Variants in BMPER observed in about 807,000 individuals in gnomAD.
BMPER encodes the protein BMP-binding endothelial regulator protein.
Under a neutral mutation model 87.3 loss-of-function variants are expected in BMPER, and 45 were observed. That is an observed-to-expected ratio of 0.52 (90% CI 0.41 to 0.66). BMPER has a LOEUF of 0.66. BMPER is among the 30% of genes least tolerant of loss of function. BMPER has a pLI of 0.00. For synonymous variants in BMPER, 326 were observed against 316.2 expected (o/e 1.03, Z -0.33); for missense variants, 784 against 867.5 (o/e 0.90, Z 1.21).
At position 34,154,013 on chromosome 7, in the gene BMPER, G is replaced by A. The variant is rs1249779325; in HGVS notation, c.*740G>A. 3 of 152,624 alleles carry A rather than the reference G, an allele frequency of 2.0e-5. No individual in the cohort carries two copies. The highest frequency in any genetic ancestry group is 1.3e-4 in the Admixed American group (2 of 15,276). The allele number at this position is 152,624 out of a possible 1,614,324, so 9.5% of individuals were successfully genotyped here. Reference sequence around the variant, plus strand: ...ATGGATGTGACCATTTATATGTCATGTGTTGAAATTAAAGGGTGTCTGGAT... The same window carrying A: ...ATGGATGTGACCATTTATATGTCATATGTTGAAATTAAAGGGTGTCTGGAT... On this transcript the variant is annotated 3_prime_UTR_variant, in exon 15 of 15. Coordinates refer to ENST00000649409, the MANE Select transcript of BMPER (RefSeq NM_001365308.1).
intron 2 of BMPER, among the ~76,000 whole-genome samples, chr7:33,911,673 A>G (rs1252611909): frequency 6.6e-6 from 1 of 152,190 alleles, no homozygotes; most frequent in East Asian, 1.9e-4. Context: ...TGAGACAACT[A>G]CCTCACCTTT....
intron 6 of BMPER, among the ~76,000 whole-genome samples, chr7:34,003,632 A>G (rs948355774): frequency 3.3e-5 from 5 of 152,008 alleles, no homozygotes; most frequent in Non-Finnish European, 5.9e-5. Context: ...GAATTCTGTT[A>G]ATTTTTATTT....
intron 3 of BMPER, among the ~76,000 whole-genome samples, chr7:33,952,013 T>C (rs1335223695): frequency 6.6e-6 from 1 of 152,208 alleles, no homozygotes; most frequent in Non-Finnish European, 1.5e-5. Context: ...ACAGCTTAAG[T>C]GTATTTTCAT....
At chr7:33,968,838 G>C (rs1053428906) in intron 4 of BMPER, among the ~76,000 whole-genome samples, 3 of 152,158 alleles carry the variant, frequency 2.0e-5, no homozygotes, top group African/African-American at 7.2e-5. Context: ...ATTTCTTATG[G>C]GAAGAGGAAA....
At chr7:34,032,686 C>T (rs1370021771) in intron 6 of BMPER, among the ~76,000 whole-genome samples, 1 of 152,150 alleles carries the variant, frequency 6.6e-6, no homozygotes, top group Admixed American at 6.6e-5. Flanking sequence ...TTGTTTCAAA[C>T]ACTGCTCCTT....
At chr7:33,966,669 G>T in intron 4 of BMPER, 108 bp downstream of exon 4, 27 of 1,052,882 alleles carry the variant, frequency 2.6e-5, no homozygotes, top group Admixed American at 4.1e-5. Flanking sequence ...AAACAGAAAT[G>T]AAAAAAACAA....
chr7:33,991,791 C>T (rs1453163445), intron 6 of BMPER, among the ~76,000 whole-genome samples: 81 of 147,516 alleles, frequency 5.5e-4, no homozygotes, highest in Admixed American at 1.7e-3. Context: ...GCTTTGAATG[C>T]GTCCCAGAGA....
intron 2 of BMPER, among the ~76,000 whole-genome samples, chr7:33,918,257 T>C (rs532127899): frequency 6.6e-6 from 1 of 152,374 alleles, no homozygotes; most frequent in East Asian, 1.9e-4. Flanking sequence ...ACATTTTAAT[T>C]CTTCGCCATG....
intron 3 of BMPER, among the ~76,000 whole-genome samples, chr7:33,953,706 A>G (rs1433031615): frequency 2.6e-5 from 4 of 152,188 alleles, no homozygotes; most frequent in South Asian, 2.1e-4. Context: ...CATTAAGTAC[A>G]TTCACATTGT....
intron 8 of BMPER, among the ~76,000 whole-genome samples, chr7:34,053,221 T>C (rs1788192048): frequency 1.3e-5 from 2 of 152,114 alleles, no homozygotes; most frequent in South Asian, 4.1e-4. Context: ...TCCAAAAGGG[T>C]GTTTTACTAG....
intron 13 of BMPER, among the ~76,000 whole-genome samples, chr7:34,133,542 G>A (rs1790646032): frequency 6.6e-6 from 1 of 152,118 alleles, no homozygotes; most frequent in African/African-American, 2.4e-5. Context: ...GGCAACTTAA[G>A]TGTTTCCCTG....
At chr7:34,103,042 A>G (rs1372342231) in intron 13 of BMPER, among the ~76,000 whole-genome samples, 1 of 152,154 alleles carries the variant, frequency 6.6e-6, no homozygotes, top group African/African-American at 2.4e-5. Context: ...GGAGAGTTTG[A>G]AAAATACAAA....
At chr7:34,070,761 A>G (rs911509865) in intron 11 of BMPER, among the ~76,000 whole-genome samples, 1 of 150,966 alleles carries the variant, frequency 6.6e-6, no homozygotes, top group African/African-American at 2.4e-5. Flanking sequence ...GCTGACGTGC[A>G]TGGTGAAAGA....
At chr7:34,044,737 G>A (rs1787914462) in intron 6 of BMPER, among the ~76,000 whole-genome samples, 1 of 152,122 alleles carries the variant, frequency 6.6e-6, no homozygotes, top group Admixed American at 6.5e-5. Context: ...ATTTTCGCAT[G>A]TTCTCTATTG....
chr7:34,059,213 A>G (rs2127963948), intron 10 of BMPER, among the ~76,000 whole-genome samples: 1 of 152,178 alleles, frequency 6.6e-6, no homozygotes, highest in South Asian at 2.1e-4. Flanking sequence ...CTGCTAATGA[A>G]CTCTTGCAGC....
chr7:33,973,099 T>C (rs547462500), intron 5 of BMPER, among the ~76,000 whole-genome samples: 7 of 152,350 alleles, frequency 4.6e-5, no homozygotes, highest in South Asian at 2.1e-4. Flanking sequence ...TTCCTTTTCA[T>C]TGGGCTCTTT....
intron 12 of BMPER, among the ~76,000 whole-genome samples, chr7:34,082,328 G>GTTTTTTTTTTTTTTTTTTTTT (rs55748957): frequency 8.6e-6 from 1 of 116,442 alleles, no homozygotes; most frequent in Non-Finnish European, 1.7e-5. Context: ...CAACTTATTA[G>GTTTTTTTTTTTTTTTTTTTTT]TTTTTTTTTT....
chr7:33,959,599 G>C (rs1004141260), intron 3 of BMPER, among the ~76,000 whole-genome samples: 2 of 152,170 alleles, frequency 1.3e-5, no homozygotes, highest in Admixed American at 1.3e-4. Context: ...ATGCTAAGTA[G>C]AGAGCAAATG....
At chr7:33,997,523 G>T (rs1786446843) in intron 6 of BMPER, among the ~76,000 whole-genome samples, 2 of 152,128 alleles carry the variant, frequency 1.3e-5, no homozygotes, top group South Asian at 2.1e-4. Context: ...TGTGAAGAAG[G>T]TGCTTGCTTC....
Sources: gnomAD v4.1 joint callset for allele counts (sites outside exome capture counted in the v4.1 genomes callset) on GRCh38, gnomAD v4.1.1 for gene constraint, MANE v1.5 for transcripts, NCBI Gene and HGNC (gene_info 2026-07-23, HGNC 2026-07-21) for gene names.